The following KCNAB1 variants were observed in gnomAD, a reference collection of about 807,000 sequenced individuals.
The protein encoded by KCNAB1 is voltage-gated potassium channel subunit beta-1.
A neutral mutation model predicts 64.6 loss-of-function variants in KCNAB1; 35 were observed. The observed-to-expected ratio is 0.54, with a 90% CI of 0.41 to 0.72. The LOEUF is 0.72. Ranked by LOEUF, KCNAB1 falls within the 30% of genes least tolerant of loss-of-function variation. KCNAB1 has a pLI of 0.00. For missense variants in KCNAB1, 401 were observed against 512.9 expected, an observed-to-expected ratio of 0.78 and a Z score of 2.11; for synonymous variants, 177 against 183.8, an observed-to-expected ratio of 0.96 and a Z score of 0.30.
intron 7 of KCNAB1, among the ~76,000 whole-genome samples, chr3:156,469,149 G>A (rs527907216): frequency 6.6e-6 from 1 of 151,960 alleles, no homozygotes; most frequent in African/African-American, 2.4e-5. Context: ...AAAAAGAATG[G>A]AGAAGGTCTG....
At chr3:156,155,514 G>T (rs1715664899) in intron 1 of KCNAB1, among the ~76,000 whole-genome samples, 1 of 152,198 alleles carries the variant, frequency 6.6e-6, no homozygotes, top group African/African-American at 2.4e-5. Context: ...AGGCCTCACT[G>T]AGAAGACAGC....
intron 1 of KCNAB1, among the ~76,000 whole-genome samples, chr3:156,271,208 A>G (rs182186611): frequency 1.1e-4 from 17 of 152,202 alleles, no homozygotes; most frequent in African/African-American, 4.1e-4. Context: ...GCCTTCTTGT[A>G]CTTGAGTATT....
chr3:156,374,245 T>C (rs755487102), intron 1 of KCNAB1, among the ~76,000 whole-genome samples: 3 of 152,188 alleles, frequency 2.0e-5, no homozygotes, highest in Admixed American at 6.5e-5. Flanking sequence ...AATGAAAGAA[T>C]AGGATGAATT....
At chr3:156,143,091 A>C in intron 1 of KCNAB1, 10 of 1,467,414 alleles carry the variant, frequency 6.8e-6, no homozygotes, top group Non-Finnish European at 9.0e-6. Context: ...TACTGAAGCC[A>C]GATAACCCAA....
chr3:156,176,649 C>T, intron 1 of KCNAB1: 2 of 1,039,352 alleles, frequency 1.9e-6, no homozygotes, highest in Non-Finnish European at 3.1e-6. Flanking sequence ...ATCAGTCGGT[C>T]AAATCCTGCA....
At chr3:156,398,523 G>A (rs147895686) in intron 1 of KCNAB1, among the ~76,000 whole-genome samples, 123 of 150,820 alleles carry the variant, frequency 8.2e-4, no homozygotes, top group African/African-American at 2.8e-3. Context: ...ACCCCGGGGG[G>A]CGGAGCCTGC....
chr3:156,130,795 CTT>C (rs1267543002), intron 1 of KCNAB1, among the ~76,000 whole-genome samples: 24 of 152,194 alleles, frequency 1.6e-4, no homozygotes, highest in Non-Finnish European at 1.5e-5. Context: ...CATTTGAAGT[CTT>C]TGCTTCTTGT....
chr3:156,182,989 C>T (rs989402771), intron 1 of KCNAB1, among the ~76,000 whole-genome samples: 6 of 152,118 alleles, frequency 3.9e-5, no homozygotes, highest in Non-Finnish European at 5.9e-5. Flanking sequence ...AGAGCCACTG[C>T]GCCCAGCCGA....
chr3:156,376,668 T>G (rs1057098336), intron 1 of KCNAB1, among the ~76,000 whole-genome samples: 3 of 152,018 alleles, frequency 2.0e-5, no homozygotes, highest in Admixed American at 2.0e-4. Context: ...GCCCCTGAGA[T>G]CGGATGACTT....
intron 8 of KCNAB1, among the ~76,000 whole-genome samples, chr3:156,505,737 G>A (rs1004712895): frequency 5.9e-5 from 9 of 152,150 alleles, no homozygotes; most frequent in Non-Finnish European, 1.0e-4. Context: ...AGGTTGTACC[G>A]AAAGCATGGT....
chr3:156,441,799 T>C (rs1717020539), intron 2 of KCNAB1, among the ~76,000 whole-genome samples: 1 of 152,140 alleles, frequency 6.6e-6, no homozygotes, highest in South Asian at 2.1e-4. Flanking sequence ...AACATTTAAA[T>C]GTCAGCAGGA....
intron 1 of KCNAB1, among the ~76,000 whole-genome samples, chr3:156,255,574 C>G (rs1329556273): frequency 6.6e-6 from 1 of 152,136 alleles, no homozygotes. Flanking sequence ...TCGGAATGCC[C>G]CACACTGCCT....
At position 156,504,751 on chromosome 3, in the gene KCNAB1, G is replaced by T. The variant is rs199506127; in HGVS notation, c.659-9613G>T. 5.1e-3 allele frequency among the ~76,000 whole-genome samples: 670 copies of T among 132,358 alleles called. 6 individuals carry two copies. Among genetic ancestry groups the T allele is most frequent in the South Asian group, 0.031 (131 of 4,160 alleles). The allele number at this position is 132,358 out of a possible 152,430, so 86.8% of individuals were successfully genotyped here. A position where few individuals can be genotyped will look rare whatever the true frequency, so the allele number is the denominator to read the frequency against. ...TACTTGTTTTGTTTTTGTTTTTTTT[G>T]TTTTTTTTTTTTTGCTGCTGAGTTG... On this transcript the variant is annotated intron_variant, in intron 8 of 13. Coordinates refer to ENST00000490337, the MANE Select transcript of KCNAB1 (RefSeq NM_172160.3).
intron 11 of KCNAB1, among the ~76,000 whole-genome samples, chr3:156,523,469 A>G (rs1718088725): frequency 1.3e-5 from 2 of 150,262 alleles, no homozygotes; most frequent in South Asian, 4.2e-4. Context: ...TTGTAAATGT[A>G]CTTTTTTTTT....
At chr3:156,344,698 A>G (rs2108073058) in intron 1 of KCNAB1, among the ~76,000 whole-genome samples, 1 of 152,376 alleles carries the variant, frequency 6.6e-6, no homozygotes, top group Admixed American at 6.5e-5. Context: ...CGAGAATTAC[A>G]TTTTGAGAAA....
intron 1 of KCNAB1, among the ~76,000 whole-genome samples, chr3:156,130,814 C>A (rs1287333435): frequency 1.3e-5 from 2 of 152,202 alleles, no homozygotes; most frequent in Non-Finnish European, 2.9e-5. Context: ...TTGTCCTGCA[C>A]CTGTCTATCA....
At chr3:156,380,935 T>A (rs551795940) in intron 1 of KCNAB1, among the ~76,000 whole-genome samples, 1 of 152,284 alleles carries the variant, frequency 6.6e-6, no homozygotes, top group African/African-American at 2.4e-5. Flanking sequence ...AGAGCCACTA[T>A]AATAGTGCAT....
chr3:156,501,888 C>T (rs1716466746), intron 8 of KCNAB1, among the ~76,000 whole-genome samples: 1 of 152,104 alleles, frequency 6.6e-6, no homozygotes, highest in African/African-American at 2.4e-5. Context: ...GCACTTCTTA[C>T]ATGGTGGCAG....
intron 1 of KCNAB1, among the ~76,000 whole-genome samples, chr3:156,138,059 G>T (rs375382059): frequency 6.6e-5 from 10 of 152,122 alleles, no homozygotes; most frequent in African/African-American, 2.4e-4. Context: ...AGAGCTCCTT[G>T]ATGACAAAGG....
Sources: gnomAD v4.1 joint callset for allele counts (sites outside exome capture counted in the v4.1 genomes callset) on GRCh38, gnomAD v4.1.1 for gene constraint, MANE v1.5 for transcripts, NCBI Gene and HGNC (gene_info 2026-07-23, HGNC 2026-07-21) for gene names.